TAFA2: variants seen among roughly 807,000 people sequenced by gnomAD.
The protein encoded by TAFA2 is TAFA chemokine like family member 2.
A neutral mutation model predicts 18.8 loss-of-function variants in TAFA2; 7 were observed. The ratio of observed to expected loss-of-function variants is 0.37; its 90% CI spans 0.21 to 0.70. The LOEUF (loss-of-function observed/expected upper bound fraction) is 0.70. Ranked by LOEUF, TAFA2 falls within the 30% of genes least tolerant of loss-of-function variation. TAFA2 has a pLI of 0.53. For missense variants in TAFA2, 122 were observed against 158.1 expected, an observed-to-expected ratio of 0.77 and a Z score of 1.23; for synonymous variants, 60 against 54.2, an observed-to-expected ratio of 1.11 and a Z score of -0.47.
chr12:61,744,376 G>A (rs570030183), intron 4 of TAFA2, among the ~76,000 whole-genome samples: 2 of 152,050 alleles, frequency 1.3e-5, no homozygotes, highest in Admixed American at 6.6e-5. Context: ...CACATATATC[G>A]CCCATTTCTC....
At chr12:61,992,411 A>ACATCTAAC (rs1880042650) in intron 1 of TAFA2, among the ~76,000 whole-genome samples, 1 of 152,164 alleles carries the variant, frequency 6.6e-6, no homozygotes, top group Non-Finnish European at 1.5e-5. Flanking sequence ...TGTTGAAAAT[A>ACATCTAAC]CATCTAACCA....
intron 1 of TAFA2, among the ~76,000 whole-genome samples, chr12:61,961,960 T>C (rs1361702611): frequency 6.6e-6 from 1 of 152,042 alleles, no homozygotes; most frequent in Non-Finnish European, 1.5e-5. Context: ...ATGTACTTAT[T>C]TCCTCTAATC....
chr12:61,725,121 C>T (rs1477789505), intron 4 of TAFA2, among the ~76,000 whole-genome samples: 1 of 151,672 alleles, frequency 6.6e-6, no homozygotes, highest in Admixed American at 6.6e-5. Context: ...GTCCTTAGCC[C>T]ACTTTTTGAT....
chr12:62,250,935 A>G (rs1379396601), intron 1 of TAFA2, among the ~76,000 whole-genome samples: 1 of 134,882 alleles, frequency 7.4e-6, no homozygotes, highest in African/African-American at 2.5e-5. Flanking sequence ...TAATCCTCAG[A>G]GAGCAGCTGA....
chr12:62,102,897 G>T (rs964726190), intron 1 of TAFA2, among the ~76,000 whole-genome samples: 8 of 152,174 alleles, frequency 5.3e-5, no homozygotes, highest in African/African-American at 1.9e-4. Context: ...CATCGCCTTT[G>T]TATCTGTCTT....
intron 1 of TAFA2, among the ~76,000 whole-genome samples, chr12:62,125,874 C>G (rs1242603861): frequency 6.6e-6 from 1 of 152,024 alleles, no homozygotes; most frequent in Non-Finnish European, 1.5e-5. Flanking sequence ...AATAATAGTA[C>G]TACTCATAGG....
At chr12:61,981,054 A>G (rs1480446970) in intron 1 of TAFA2, among the ~76,000 whole-genome samples, 1 of 152,212 alleles carries the variant, frequency 6.6e-6, no homozygotes. Context: ...CTGACTTCAA[A>G]CTACACTACA....
chr12:61,770,944 C>A (rs1326500958), intron 2 of TAFA2, among the ~76,000 whole-genome samples: 1 of 152,004 alleles, frequency 6.6e-6, no homozygotes, highest in Admixed American at 6.6e-5. Flanking sequence ...TTAAAGGATG[C>A]AGAATGGCAG....
chr12:62,078,296 T>G (rs1325449174), intron 1 of TAFA2, among the ~76,000 whole-genome samples: 1 of 151,944 alleles, frequency 6.6e-6, no homozygotes, highest in African/African-American at 2.4e-5. Flanking sequence ...CCAAGGTTGC[T>G]AAAGTGGGAC....
At chr12:61,924,331 G>A (rs1453711627) in intron 1 of TAFA2, among the ~76,000 whole-genome samples, 1 of 152,178 alleles carries the variant, frequency 6.6e-6, no homozygotes, top group Admixed American at 6.5e-5. Context: ...GTTAAGGGCA[G>A]CCAGAGAGAA....
rs1428316278 is a variant in TAFA2, at chr12:61,709,347, T to G, written c.*1059A>C. The stretch of plus-strand genomic sequence containing the variant: ...TTTGAGACTGAGGAAAATGAACAAT[T>G]TTTTCTATCAACAGATTGAACAAAT... On this transcript the variant is annotated 3_prime_UTR_variant, in exon 5 of 5. Coordinates refer to ENST00000416284, the MANE Select transcript of TAFA2 (RefSeq NM_178539.5). The G allele has an allele frequency of 6.6e-6, 1 of 152,158 alleles. No homozygotes were observed. Among genetic ancestry groups the G allele is most frequent in the African/African-American group, 2.4e-5 (1 of 41,428 alleles). 9.4% of individuals were successfully genotyped at this position (152,158 alleles called of 1,614,324 possible).
chr12:61,957,024 G>A (rs1442657766), intron 1 of TAFA2, among the ~76,000 whole-genome samples: 2 of 152,158 alleles, frequency 1.3e-5, no homozygotes, highest in African/African-American at 2.4e-5. Flanking sequence ...TACAAAATAT[G>A]TAGGTAGAAA....
intron 1 of TAFA2, among the ~76,000 whole-genome samples, chr12:62,165,240 C>G (rs2062430923): frequency 6.6e-6 from 1 of 152,058 alleles, no homozygotes; most frequent in South Asian, 2.1e-4. Flanking sequence ...GCAACCATTG[C>G]TTACACTGCC....
intron 1 of TAFA2, among the ~76,000 whole-genome samples, chr12:62,204,659 C>T (rs2062684576): frequency 6.6e-6 from 1 of 151,966 alleles, no homozygotes; most frequent in Non-Finnish European, 1.5e-5. Context: ...AGTTCTTGTG[C>T]TGTGTTTTTC....
At chr12:61,881,214 T>A (rs906391329) in intron 1 of TAFA2, among the ~76,000 whole-genome samples, 1 of 152,154 alleles carries the variant, frequency 6.6e-6, no homozygotes, top group African/African-American at 2.4e-5. Context: ...TATTTGCCAA[T>A]ATAATATTAT....
intron 1 of TAFA2, among the ~76,000 whole-genome samples, chr12:62,121,695 T>G (rs1341599358): frequency 6.6e-6 from 1 of 152,198 alleles, no homozygotes; most frequent in Non-Finnish European, 1.5e-5. Flanking sequence ...ATCTAAATCA[T>G]GCCTCTATTC....
At chr12:62,066,220 T>C (rs778989663) in intron 1 of TAFA2, among the ~76,000 whole-genome samples, 9 of 151,728 alleles carry the variant, frequency 5.9e-5, no homozygotes, top group Non-Finnish European at 1.0e-4. Context: ...ATGCAATGCA[T>C]GATAATCACA....
intron 4 of TAFA2, among the ~76,000 whole-genome samples, chr12:61,715,186 T>C (rs1236505554): frequency 6.6e-6 from 1 of 152,178 alleles, no homozygotes; most frequent in Non-Finnish European, 1.5e-5. Context: ...TCTAAAAATA[T>C]TGACTTAATT....
intron 1 of TAFA2, among the ~76,000 whole-genome samples, chr12:61,926,814 T>C (rs1355515858): frequency 6.6e-6 from 1 of 152,094 alleles, no homozygotes; most frequent in Non-Finnish European, 1.5e-5. Flanking sequence ...GGTTCACGCC[T>C]GTAATCCCAG....
Sources: gnomAD v4.1 joint callset for allele counts (sites outside exome capture counted in the v4.1 genomes callset) on GRCh38, gnomAD v4.1.1 for gene constraint, MANE v1.5 for transcripts, NCBI Gene and HGNC (gene_info 2026-07-23, HGNC 2026-07-21) for gene names.